The following PPARG variants were observed in gnomAD, a reference collection of about 807,000 sequenced individuals.
PPARG encodes the protein peroxisome proliferator-activated receptor gamma.
A neutral mutation model predicts 39.2 loss-of-function variants in PPARG; 17 were observed. The ratio of observed to expected loss-of-function variants is 0.43; its 90% CI spans 0.30 to 0.65. The LOEUF (loss-of-function observed/expected upper bound fraction) is 0.65. Among genes scored for constraint, PPARG ranks in the 30% least tolerant of loss-of-function variants. The pLI, the probability that PPARG is intolerant of heterozygous loss-of-function variation, is 0.13. For synonymous variants in PPARG, 223 were observed against 215.7 expected (o/e 1.03, Z -0.30); for missense variants, 406 against 585.9 (o/e 0.69, Z 3.17).
chr3:12,309,101 A>G (rs910111121), intron 1 of PPARG, among the ~76,000 whole-genome samples: 1 of 152,236 alleles, frequency 6.6e-6, no homozygotes, highest in Non-Finnish European at 1.5e-5. Context: ...ATTTTATGGT[A>G]GAACCTTTTC....
intron 2 of PPARG, among the ~76,000 whole-genome samples, chr3:12,326,908 G>A (rs1226724901): frequency 4.6e-5 from 7 of 152,142 alleles, no homozygotes; most frequent in African/African-American, 1.7e-4. Flanking sequence ...AGATATCCTG[G>A]GTTTTGATTC....
chr3:12,334,864 A>G (rs1176343346), intron 2 of PPARG, among the ~76,000 whole-genome samples: 2 of 151,924 alleles, frequency 1.3e-5, no homozygotes, highest in South Asian at 2.1e-4. Flanking sequence ...TAACATCTTT[A>G]TTTGCTGTAA....
intron 2 of PPARG, among the ~76,000 whole-genome samples, chr3:12,353,506 T>A (rs4135246): frequency 0.022 from 3,352 of 152,296 alleles, 55 homozygotes; most frequent in Middle Eastern, 0.041. Flanking sequence ...GTTGAGGTAT[T>A]TGGCATGGGT....
intron 7 of PPARG, among the ~76,000 whole-genome samples, chr3:12,426,940 A>C (rs2051470252): frequency 1.3e-5 from 2 of 152,172 alleles, no homozygotes; most frequent in Non-Finnish European, 2.9e-5. Flanking sequence ...ACACATTAGA[A>C]TCACCCAAGA....
At chr3:12,383,403 G>A (rs2049757955) in intron 4 of PPARG, among the ~76,000 whole-genome samples, 1 of 152,076 alleles carries the variant, frequency 6.6e-6, no homozygotes. Context: ...TCATTTTATT[G>A]ACTTAGATTT....
chr3:12,381,542 T>G, intron 4 of PPARG, 51 bp downstream of exon 4: 1 of 1,575,036 alleles, frequency 6.3e-7, no homozygotes, highest in Non-Finnish European at 8.7e-7. Flanking sequence ...TATTATTTCA[T>G]TTCAGCAGAA....
chr3:12,408,184 G>C (rs796290), intron 6 of PPARG, among the ~76,000 whole-genome samples: 67,714 of 152,052 alleles, frequency 0.45, 16,128 homozygotes, highest in Middle Eastern at 0.53. Context: ...GAAAGCTTCG[G>C]TCTGAGAAAA....
chr3:12,334,156 T>C (rs1484437224), intron 2 of PPARG, among the ~76,000 whole-genome samples: 2 of 152,176 alleles, frequency 1.3e-5, no homozygotes, highest in African/African-American at 2.4e-5. Context: ...GTCTCTTAAA[T>C]AGCAAAGTTT....
chr3:12,367,131 T>C (rs1200051876), intron 2 of PPARG, among the ~76,000 whole-genome samples: 1 of 152,166 alleles, frequency 6.6e-6, no homozygotes, highest in Non-Finnish European at 1.5e-5. Flanking sequence ...ATTATGTCTT[T>C]CAAGGAATGA....
At chr3:12,311,805 G>A (rs1324634553) in intron 1 of PPARG, among the ~76,000 whole-genome samples, 5 of 152,098 alleles carry the variant, frequency 3.3e-5, no homozygotes, top group East Asian at 3.9e-4. Context: ...TCTCTGGTTC[G>A]TCCTCTGAAA....
At chr3:12,351,727 G>C in intron 2 of PPARG, 1 of 1,390,278 alleles carries the variant, frequency 7.2e-7, no homozygotes, top group African/African-American at 1.4e-5. Context: ...TTTATGTAAG[G>C]GTAAAATTGC....
intron 2 of PPARG, among the ~76,000 whole-genome samples, chr3:12,320,010 A>G (rs1175660725): frequency 6.6e-6 from 1 of 152,218 alleles, no homozygotes; most frequent in Non-Finnish European, 1.5e-5. Flanking sequence ...GCTAACAGTC[A>G]CCGGTACACG....
At chr3:12,309,588 T>G (rs1289983024) in intron 1 of PPARG, among the ~76,000 whole-genome samples, 1 of 152,240 alleles carries the variant, frequency 6.6e-6, no homozygotes, top group East Asian at 1.9e-4. Flanking sequence ...GAGAAACAGC[T>G]TATGTAGTAA....
chr3:12,393,928 A>C (rs1037849011), intron 5 of PPARG, among the ~76,000 whole-genome samples: 8 of 152,332 alleles, frequency 5.3e-5, no homozygotes, highest in Admixed American at 3.9e-4. Context: ...AAAGGCAAGA[A>C]TGTATTTTGA....
At chr3:12,343,656 G>T (rs1396750475) in intron 2 of PPARG, among the ~76,000 whole-genome samples, 2 of 152,116 alleles carry the variant, frequency 1.3e-5, no homozygotes, top group African/African-American at 4.8e-5. Flanking sequence ...AGTGCATTGT[G>T]CTTGTCTTAT....
intron 2 of PPARG, among the ~76,000 whole-genome samples, chr3:12,355,887 T>G (rs1351921887): frequency 1.3e-5 from 2 of 152,238 alleles, no homozygotes; most frequent in African/African-American, 4.8e-5. Flanking sequence ...TCACAGAGGT[T>G]GTCATATATT....
intron 2 of PPARG, among the ~76,000 whole-genome samples, chr3:12,313,136 T>G (rs1018950500): frequency 6.6e-6 from 1 of 152,218 alleles, no homozygotes; most frequent in African/African-American, 2.4e-5. Flanking sequence ...GTTTTAGGAC[T>G]ATTGATTTTG....
intron 2 of PPARG, among the ~76,000 whole-genome samples, chr3:12,341,403 C>G (rs1575021735): frequency 6.6e-6 from 1 of 152,236 alleles, no homozygotes; most frequent in East Asian, 1.9e-4. Flanking sequence ...AGATATTTAC[C>G]TTTTTAATAA....
chr3:12,337,054 A>G (rs932265416), intron 2 of PPARG, among the ~76,000 whole-genome samples: 1 of 152,186 alleles, frequency 6.6e-6, no homozygotes, highest in Non-Finnish European at 1.5e-5. Context: ...TTAATAATAT[A>G]CTTGGGGAAA....
Sources: gnomAD v4.1 joint callset for allele counts (sites outside exome capture counted in the v4.1 genomes callset) on GRCh38, gnomAD v4.1.1 for gene constraint, MANE v1.5 for transcripts, NCBI Gene and HGNC (gene_info 2026-07-23, HGNC 2026-07-21) for gene names.